Variants in EPB41L2 observed in about 807,000 individuals in gnomAD.
The protein encoded by EPB41L2 is erythrocyte membrane protein band 4.1 like 2.
EPB41L2 carries 43 observed loss-of-function variants against 113.0 expected under a neutral mutation model. That is an observed-to-expected ratio of 0.38 (90% CI 0.30 to 0.49). The LOEUF (loss-of-function observed/expected upper bound fraction) is 0.49. Ranked by LOEUF, EPB41L2 falls within the 20% of genes least tolerant of loss-of-function variation. The pLI is 0.95. For missense variants in EPB41L2, 1,147 were observed against 1,223.4 expected (o/e 0.94, Z 0.93); for synonymous variants, 442 against 436.7 (o/e 1.01, Z -0.15).
intron 11 of EPB41L2, among the ~76,000 whole-genome samples, chr6:130,886,940 G>GT (rs921102910): frequency 6.6e-6 from 1 of 151,876 alleles, no homozygotes; most frequent in Non-Finnish European, 1.5e-5. Context: ...GCCTCCAGCA[G>GT]TTTTTTTTAA....
chr6:130,937,060 C>T (rs1160223890), intron 3 of EPB41L2, among the ~76,000 whole-genome samples: 3 of 152,160 alleles, frequency 2.0e-5, no homozygotes, highest in Non-Finnish European at 4.4e-5. Flanking sequence ...CATGCATAAC[C>T]TCCCCCATTG....
intron 11 of EPB41L2, among the ~76,000 whole-genome samples, chr6:130,889,642 C>T (rs1562401133): frequency 2.0e-5 from 3 of 152,020 alleles, no homozygotes; most frequent in South Asian, 2.1e-4. Context: ...GTTTTATGTT[C>T]GTCTGGATTA....
chr6:130,889,385 T>C (rs1792056565), intron 11 of EPB41L2, among the ~76,000 whole-genome samples: 1 of 152,064 alleles, frequency 6.6e-6, no homozygotes, highest in Admixed American at 6.6e-5. Flanking sequence ...ATGTGTAGTT[T>C]ATATAAAACT....
At chr6:131,037,360 C>T (rs1793539071) in intron 1 of EPB41L2, among the ~76,000 whole-genome samples, 1 of 152,018 alleles carries the variant, frequency 6.6e-6, no homozygotes, top group African/African-American at 2.4e-5. Context: ...ATTAACGCTA[C>T]TTGTGGGAGT....
intron 5 of EPB41L2, among the ~76,000 whole-genome samples, chr6:130,908,165 T>C (rs1798277423): frequency 6.6e-6 from 1 of 152,158 alleles, no homozygotes; most frequent in African/African-American, 2.4e-5. Context: ...AGGCAGAACG[T>C]ATAGAGAGAA....
intron 18 of EPB41L2, 94 bp from the exon 19 acceptor site, chr6:130,858,337 A>ACC: frequency 3.3e-6 from 3 of 921,350 alleles, no homozygotes; most frequent in Non-Finnish European, 4.9e-6. Flanking sequence ...CTCGGACCCA[A>ACC]CCTCAAGCCA....
chr6:131,052,128 G>A (rs1051138302), intron 1 of EPB41L2, among the ~76,000 whole-genome samples: 1 of 151,872 alleles, frequency 6.6e-6, no homozygotes. Context: ...GTACAGATGG[G>A]GTTTTGCCAT....
chr6:130,939,748 G>T (rs535525803), intron 3 of EPB41L2, among the ~76,000 whole-genome samples: 1 of 152,330 alleles, frequency 6.6e-6, no homozygotes, highest in South Asian at 2.1e-4. Flanking sequence ...TGCTACTAAA[G>T]CTACCACAAT....
chr6:131,027,119 T>C (rs1791048125), intron 1 of EPB41L2, among the ~76,000 whole-genome samples: 1 of 152,188 alleles, frequency 6.6e-6, no homozygotes, highest in African/African-American at 2.4e-5. Context: ...CAAAATACAT[T>C]GGAAAAAACA....
chr6:130,995,907 T>A (rs1056454640), intron 1 of EPB41L2, among the ~76,000 whole-genome samples: 1 of 152,158 alleles, frequency 6.6e-6, no homozygotes, highest in Non-Finnish European at 1.5e-5. Flanking sequence ...CCCCTAAAAT[T>A]CCAGGTTAAC....
chr6:130,917,676 A>G (rs1028765806), intron 4 of EPB41L2, among the ~76,000 whole-genome samples: 1 of 152,138 alleles, frequency 6.6e-6, no homozygotes, highest in African/African-American at 2.4e-5. Flanking sequence ...CCCCACTGCA[A>G]AGGTCCTTAT....
intron 4 of EPB41L2, among the ~76,000 whole-genome samples, chr6:130,919,578 A>C (rs1432665717): frequency 1.3e-5 from 2 of 152,082 alleles, no homozygotes; most frequent in Non-Finnish European, 2.9e-5. Context: ...CGTTCTCCCA[A>C]TGTATCAGCC....
intron 4 of EPB41L2, among the ~76,000 whole-genome samples, chr6:130,919,422 A>G (rs1266701819): frequency 6.6e-6 from 1 of 152,038 alleles, no homozygotes; most frequent in Non-Finnish European, 1.5e-5. Context: ...TGTCATCATC[A>G]CATAGTTCTT....
chr6:130,884,507 T>C (rs576476403), intron 12 of EPB41L2, among the ~76,000 whole-genome samples: 5 of 152,326 alleles, frequency 3.3e-5, no homozygotes, highest in African/African-American at 1.2e-4. Context: ...TCAAGTGATG[T>C]TACTGCCCAA....
At chr6:130,970,630 T>C (rs1413820102) in intron 1 of EPB41L2, 1 of 152,238 alleles carries the variant, frequency 6.6e-6, no homozygotes, top group Non-Finnish European at 1.5e-5. Context: ...TCTCATTTAG[T>C]TTTCCTGGTT....
intron 19 of EPB41L2, among the ~76,000 whole-genome samples, chr6:130,847,014 A>C (rs1322995696): frequency 6.6e-6 from 1 of 152,180 alleles, no homozygotes; most frequent in East Asian, 1.9e-4. Context: ...GAAGCTTTTC[A>C]GTCAATCATA....
chr6:131,059,266 C>T (rs1798218490), intron 1 of EPB41L2, among the ~76,000 whole-genome samples: 1 of 152,104 alleles, frequency 6.6e-6, no homozygotes. Context: ...AGATGCCTGC[C>T]ACCACGCCTG....
Position 130,979,448 on chromosome 6 carries a change from T to C in EPB41L2, c.-14-22949A>G, listed in dbSNP as rs547636230. 6.8e-5 allele frequency among the ~76,000 whole-genome samples: 10 copies of C among 146,736 alleles called. No homozygotes were observed. In the South Asian group the frequency reaches 1.9e-3, roughly 28 times the overall value. ...AGGTGGAGGCTGCAGTGAGCCAAGA[T>C]TGTGCCACTGCACTCCAGCCTGGAT... On this transcript the variant is annotated intron_variant, in intron 1 of 19. Transcript: ENST00000337057.
chr6:130,885,291 G>A, intron 11 of EPB41L2, 23 bp from the exon 12 acceptor site: 1 of 1,613,012 alleles, frequency 6.2e-7, no homozygotes, highest in South Asian at 1.1e-5. Context: ...GACAATTTTG[G>A]ATTATTTTAG....
Sources: allele counts gnomAD v4.1 joint callset (sites outside exome capture counted in the v4.1 genomes callset), GRCh38; gene constraint gnomAD v4.1.1; transcripts MANE v1.5; gene names NCBI Gene and HGNC (gene_info 2026-07-23, HGNC 2026-07-21).